The following ARHGEF3 variants were observed in gnomAD, a reference collection of about 807,000 sequenced individuals.
ARHGEF3 encodes the protein 59.8 kDA protein.
Under a neutral mutation model 63.2 loss-of-function variants are expected in ARHGEF3, and 28 were observed. The ratio of observed to expected loss-of-function variants is 0.44; its 90% CI spans 0.33 to 0.61. ARHGEF3 has a LOEUF of 0.61. Among genes scored for constraint, ARHGEF3 ranks in the 20% least tolerant of loss-of-function variants. The probability of loss-of-function intolerance (pLI) is 0.03; values close to 1 mark genes in which losing one functional copy is unlikely to be tolerated. For missense variants in ARHGEF3, 533 were observed against 659.3 expected (o/e 0.81, Z 2.10); for synonymous variants, 266 against 254.2 (o/e 1.05, Z -0.44).
intron 3 of ARHGEF3, 26 bp downstream of exon 3, chr3:56,754,955 G>C (rs1318885443): frequency 6.2e-7 from 1 of 1,613,816 alleles, no homozygotes; most frequent in South Asian, 1.1e-5. Flanking sequence ...CAGACACACA[G>C]CCAGCTCCAT....
At chr3:56,734,393 A>G (rs2033455152) in intron 8 of ARHGEF3, among the ~76,000 whole-genome samples, 1 of 152,162 alleles carries the variant, frequency 6.6e-6, no homozygotes, top group African/African-American at 2.4e-5. Context: ...GGGCATAAAG[A>G]TAGGAACAAC....
chr3:57,042,647 CATAAATATATATATATATATATAT>C, intron 1 of ARHGEF3, among the ~76,000 whole-genome samples: 1 of 82,744 alleles, frequency 1.2e-5, no homozygotes, highest in Non-Finnish European at 2.3e-5. Context: ...ACTGTATGTA[CATAAATATATATATATATATATAT>C]ATATATATAT....
intron 3 of ARHGEF3, among the ~76,000 whole-genome samples, chr3:56,913,689 G>C (rs1359294352): frequency 6.6e-6 from 1 of 152,166 alleles, no homozygotes; most frequent in African/African-American, 2.4e-5. Flanking sequence ...GCAGGTGGCA[G>C]GAATGTAAAC....
intron 6 of ARHGEF3, among the ~76,000 whole-genome samples, chr3:56,746,410 T>C (rs1305984353): frequency 6.6e-6 from 1 of 152,210 alleles, no homozygotes; most frequent in African/African-American, 2.4e-5. Context: ...TTAGGTAATA[T>C]TTGATGGTTT....
At chr3:56,744,002 CA>C (rs781545405) in intron 7 of ARHGEF3, among the ~76,000 whole-genome samples, 3,740 of 147,666 alleles carry the variant, frequency 0.025, 85 homozygotes, top group Non-Finnish European at 0.037. Context: ...AACCAACAAA[CA>C]AAAAAAAAAC....
Position 56,891,219 on chromosome 3 carries a change from T to G in ARHGEF3, c.130-8865A>C, listed in dbSNP as rs368130594. On this transcript the variant is annotated intron_variant, in intron 3 of 12. Transcript: ENST00000338458. ...AAAAAATAGAGACGAGATCTCCCTA[T>G]GTCTTGCAGGCTGGTCTCAAACTTC... is the stretch of plus-strand genomic sequence containing the variant. Among the ~76,000 whole-genome samples the G allele has an allele frequency of 9.0e-4, 136 of 151,718 alleles. 3 individuals are homozygous for G. In the South Asian group the frequency reaches 0.026, roughly 29 times the overall value.
At chr3:56,894,920 G>A (rs1290351911) in intron 3 of ARHGEF3, among the ~76,000 whole-genome samples, 4 of 152,184 alleles carry the variant, frequency 2.6e-5, no homozygotes, top group South Asian at 2.1e-4. Flanking sequence ...CAAAGACTCC[G>A]GATTAGAAAA....
rs1222834032 is a variant in ARHGEF3 at position 56,858,459 on chromosome 3, C to T, written c.192+23833G>A. ...CAAACTCAGCTCTGAGGATACTGAGCCCCTACCAGTGCCTGCCAAGATGCT... is the reference window on the plus strand; with the variant it reads ...CAAACTCAGCTCTGAGGATACTGAGTCCCTACCAGTGCCTGCCAAGATGCT... On this transcript the variant is annotated intron_variant, in intron 4 of 12. Coordinates refer to the ARHGEF3 transcript ENST00000338458. Among the ~76,000 whole-genome samples, 2 of 152,154 alleles carry T rather than the reference C, an allele frequency of 1.3e-5. 1 individual carries two copies. The highest frequency in any genetic ancestry group is 2.9e-5 in the Non-Finnish European group (2 of 68,034).
intron 1 of ARHGEF3, chr3:57,074,387 T>G: frequency 1.2e-6 from 1 of 813,604 alleles, no homozygotes. Flanking sequence ...CATCCCTTTC[T>G]GCATCTTCTT....
At chr3:56,905,820 T>G (rs1449685658) in intron 3 of ARHGEF3, among the ~76,000 whole-genome samples, 1 of 152,122 alleles carries the variant, frequency 6.6e-6, no homozygotes, top group African/African-American at 2.4e-5. Context: ...ATCTCTAGAG[T>G]TGTGCTGTCC....
chr3:57,042,979 G>A (rs1704292563), intron 1 of ARHGEF3, among the ~76,000 whole-genome samples: 1 of 151,532 alleles, frequency 6.6e-6, no homozygotes, highest in South Asian at 2.1e-4. Context: ...TTACAGGCAT[G>A]AGCCACCGCG....
chr3:56,927,855 C>A (rs1191810802), intron 3 of ARHGEF3, among the ~76,000 whole-genome samples: 2 of 152,224 alleles, frequency 1.3e-5, no homozygotes, highest in Non-Finnish European at 2.9e-5. Flanking sequence ...TTGTGTCAAG[C>A]ACTGGTGCTC....
chr3:56,816,968 C>A (rs1050775765), intron 4 of ARHGEF3, among the ~76,000 whole-genome samples: 1 of 152,180 alleles, frequency 6.6e-6, no homozygotes, highest in Non-Finnish European at 1.5e-5. Context: ...GACGTTTTTG[C>A]TCACCAGCTT....
intron 2 of ARHGEF3, among the ~76,000 whole-genome samples, chr3:56,970,072 C>G (rs1211948228): frequency 6.6e-6 from 1 of 152,148 alleles, no homozygotes; most frequent in Admixed American, 6.6e-5. Flanking sequence ...AATGAGTACA[C>G]AGATTCCTTT....
intron 3 of ARHGEF3, among the ~76,000 whole-genome samples, chr3:56,921,274 A>G (rs1363471646): frequency 2.0e-5 from 3 of 152,018 alleles, no homozygotes; most frequent in African/African-American, 7.2e-5. Flanking sequence ...GCCGTGACCA[A>G]ATTAAAATAA....
chr3:57,060,362 T>C (rs1705155989), intron 1 of ARHGEF3: 1 of 151,122 alleles, frequency 6.6e-6, no homozygotes, highest in Non-Finnish European at 1.5e-5. Context: ...TTAAATGGTA[T>C]AGCTGCTGCT....
rs189855986 is a variant in ARHGEF3, at chr3:56,835,519, G to A, written c.192+46773C>T. Among the ~76,000 whole-genome samples, 53 of 152,158 alleles carry A rather than the reference G, an allele frequency of 3.5e-4. No individual in the cohort carries two copies. The South Asian group carries it at 9.1e-3, about 26-fold the overall frequency. On this transcript the variant is annotated intron_variant, in intron 4 of 12. Transcript: ENST00000338458. ...AAGCACGTGTACACCCCTATTTCAC[G>A]CATTAAAATTAAATAATTATAAGAC...
chr3:56,891,900 T>G (rs974851789), intron 3 of ARHGEF3, among the ~76,000 whole-genome samples: 1 of 152,224 alleles, frequency 6.6e-6, no homozygotes, highest in Non-Finnish European at 1.5e-5. Context: ...AATTTGACGT[T>G]GGCAAACTAG....
intron 4 of ARHGEF3, among the ~76,000 whole-genome samples, chr3:56,830,325 C>T (rs1303893378): frequency 1.3e-5 from 2 of 151,926 alleles, no homozygotes; most frequent in East Asian, 1.9e-4. Flanking sequence ...AACCTTGGCC[C>T]GTGTGCTAAG....
Sources: allele counts gnomAD v4.1 joint callset (sites outside exome capture counted in the v4.1 genomes callset), GRCh38; gene constraint gnomAD v4.1.1; transcripts MANE v1.5; gene names NCBI Gene and HGNC (gene_info 2026-07-23, HGNC 2026-07-21).